The following ADAMTSL1 variants were observed in gnomAD, a reference collection of about 807,000 sequenced individuals.
ADAMTSL1 encodes ADAMTS-like protein 1.
ADAMTSL1 carries 126 observed loss-of-function variants against 201.8 expected under a neutral mutation model. The ratio of observed to expected loss-of-function variants is 0.62; its 90% CI spans 0.54 to 0.72. The LOEUF (loss-of-function observed/expected upper bound fraction) is 0.72, where lower values mean the gene tolerates loss of function less well. Among genes scored for constraint, ADAMTSL1 ranks in the 30% least tolerant of loss-of-function variants. The probability of loss-of-function intolerance (pLI) is 0.00; values close to 1 mark genes in which losing one functional copy is unlikely to be tolerated. For synonymous variants in ADAMTSL1, 1,121 were observed against 903.4 expected (o/e 1.24, Z -4.32); for missense variants, 2,679 against 2,277.8 (o/e 1.18, Z -3.59).
At chr9:17,940,040 G>A (rs567999168) in intron 1 of ADAMTSL1, among the ~76,000 whole-genome samples, 1 of 152,128 alleles carries the variant, frequency 6.6e-6, no homozygotes, top group East Asian at 1.9e-4. Context: ...GTATTGGGGG[G>A]AGGATGAAAC....
intron 1 of ADAMTSL1, among the ~76,000 whole-genome samples, chr9:18,120,782 T>C (rs1203214987): frequency 6.6e-6 from 1 of 152,206 alleles, no homozygotes; most frequent in African/African-American, 2.4e-5. Flanking sequence ...CAGTGTAAGA[T>C]AGACTATATT....
chr9:17,974,335 A>G (rs1818349842), intron 1 of ADAMTSL1, among the ~76,000 whole-genome samples: 1 of 152,060 alleles, frequency 6.6e-6, no homozygotes. Flanking sequence ...ATGATTGTAT[A>G]TCTAGAAAAC....
chr9:18,228,918 A>C (rs1830537102), intron 2 of ADAMTSL1, among the ~76,000 whole-genome samples: 1 of 150,518 alleles, frequency 6.6e-6, no homozygotes. Context: ...TTTAGATGAC[A>C]ATTTCTTTCT....
intron 2 of ADAMTSL1, among the ~76,000 whole-genome samples, chr9:18,349,890 CT>C (rs1481453318): frequency 1.3e-5 from 2 of 149,948 alleles, no homozygotes; most frequent in Non-Finnish European, 3.0e-5. Flanking sequence ...TTGAGAGATG[CT>C]TTCTATTAGG....
intron 15 of ADAMTSL1, chr9:18,722,971 A>T (rs1265497019): frequency 1.3e-6 from 1 of 767,206 alleles, no homozygotes; most frequent in African/African-American, 1.7e-5. Flanking sequence ...TGTGTGGGCA[A>T]AGGGCACCAA....
intron 23 of ADAMTSL1, among the ~76,000 whole-genome samples, chr9:18,865,455 G>A (rs946749540): frequency 9.2e-5 from 14 of 152,124 alleles, no homozygotes; most frequent in Non-Finnish European, 1.9e-4. Flanking sequence ...GGACATTTGG[G>A]TTGGTTCCAA....
intron 1 of ADAMTSL1, among the ~76,000 whole-genome samples, chr9:17,934,545 G>A (rs911111531): frequency 6.6e-6 from 1 of 152,020 alleles, no homozygotes; most frequent in African/African-American, 2.4e-5. Context: ...CCTCAAGTGG[G>A]TTTGCATGCT....
intron 3 of ADAMTSL1, among the ~76,000 whole-genome samples, chr9:18,556,656 A>T (rs1217400801): frequency 6.6e-6 from 1 of 152,000 alleles, no homozygotes; most frequent in African/African-American, 2.4e-5. Flanking sequence ...GTTTCTTAAA[A>T]TATGTCCATG....
chr9:18,004,737 G>A (rs1481134776), intron 1 of ADAMTSL1, among the ~76,000 whole-genome samples: 4 of 151,952 alleles, frequency 2.6e-5, no homozygotes, highest in Non-Finnish European at 5.9e-5. Context: ...CTAAAGATAA[G>A]AACTCAGTAC....
chr9:17,963,444 A>T, intron 1 of ADAMTSL1, among the ~76,000 whole-genome samples: 1 of 152,188 alleles, frequency 6.6e-6, no homozygotes, highest in East Asian at 1.9e-4. Context: ...TATTTAAAGA[A>T]AACAATTGTT....
chr9:18,507,039 C>G (rs185317618), intron 2 of ADAMTSL1, among the ~76,000 whole-genome samples: 1 of 152,194 alleles, frequency 6.6e-6, no homozygotes, highest in East Asian at 1.9e-4. Flanking sequence ...TCATTAAACT[C>G]TGGAACAATC....
intron 13 of ADAMTSL1, among the ~76,000 whole-genome samples, chr9:18,691,086 A>T (rs1831185623): frequency 6.6e-6 from 1 of 152,236 alleles, no homozygotes; most frequent in Non-Finnish European, 1.5e-5. Flanking sequence ...TGAAGAAATG[A>T]GCTAGCTGTC....
At chr9:18,803,937 C>T (rs149625713) in intron 20 of ADAMTSL1, among the ~76,000 whole-genome samples, 59 of 152,120 alleles carry the variant, frequency 3.9e-4, no homozygotes, top group Middle Eastern at 3.4e-3. Context: ...GGAAGGGGAA[C>T]AATTATTTTT....
At chr9:18,681,530 T>G in intron 11 of ADAMTSL1, 1 of 199,432 alleles carries the variant, frequency 5.0e-6, no homozygotes, top group Non-Finnish European at 1.0e-5. Context: ...TGGTGCTTGG[T>G]TTGAGACTTT....
At position 18,889,696 on chromosome 9, in the gene ADAMTSL1, G is replaced by A. The variant is rs1414975930; in HGVS notation, c.4591G>A (p.Val1531Ile). ...EVNPAHCAGK[V>I]RPAVQPIACN... ...CAACCCTGCCCACTGCGCAGGGAAG[G>A]TTCGCCCTGCGGTGCAGCCCATCGC... is the stretch of plus-strand genomic sequence containing the variant. The change falls in exon 25 of 29, where the codon GTT becomes ATT. Residue 1531 changes from valine (V) to isoleucine (I), a missense_variant. Physicochemically the swap from Val to Ile is conservative, Grantham distance 29. Transcript: ENST00000380548. The A allele has an allele frequency of 6.3e-7, 1 of 1,586,572 alleles. No homozygotes were observed. Among genetic ancestry groups the A allele is most frequent in the African/African-American group, 1.4e-5 (1 of 73,494 alleles).
At chr9:18,590,358 A>T (rs553051618) in intron 4 of ADAMTSL1, among the ~76,000 whole-genome samples, 153 of 152,028 alleles carry the variant, frequency 1.0e-3, no homozygotes, top group African/African-American at 3.6e-3. Context: ...GTCACCTGTA[A>T]TGTTTCCTTT....
Position 18,777,310 on chromosome 9 carries a change from G to A in ADAMTSL1, c.3081G>A (p.Arg1027=), listed in dbSNP as rs1821095098. The part of the protein sequence containing the change: ...PGSRYDDLVS[R]LLEQGGWPGE... ...GCCGCTACGACGACCTCGTCTCCCGGCTGCTGGAGCAGGGCGGCTGGCCCG... is the reference window on the plus strand; with the variant it reads ...GCCGCTACGACGACCTCGTCTCCCGACTGCTGGAGCAGGGCGGCTGGCCCG... Residue 1027 remains arginine, a synonymous_variant, in exon 19 of 29, where the codon CGG becomes CGA. Transcript: ENST00000380548. 3 of 1,603,290 alleles carry A rather than the reference G, an allele frequency of 1.9e-6. No homozygotes were observed. Among genetic ancestry groups the A allele is most frequent in the Non-Finnish European group, 2.6e-6 (3 of 1,175,136 alleles).
chr9:18,562,558 T>C (rs1180242461), intron 3 of ADAMTSL1, among the ~76,000 whole-genome samples: 1 of 152,230 alleles, frequency 6.6e-6, no homozygotes, highest in Non-Finnish European at 1.5e-5. Context: ...ATTTGAATGT[T>C]GGCCTGTCTT....
At chr9:17,970,536 G>C (rs1310554003) in intron 1 of ADAMTSL1, among the ~76,000 whole-genome samples, 1 of 152,008 alleles carries the variant, frequency 6.6e-6, no homozygotes, top group Non-Finnish European at 1.5e-5. Context: ...ATGCTTCAGT[G>C]ACTCTGAGCT....
Sources: allele counts gnomAD v4.1 joint callset (sites outside exome capture counted in the v4.1 genomes callset), GRCh38; gene constraint gnomAD v4.1.1; transcripts MANE v1.5; gene names NCBI Gene and HGNC (gene_info 2026-07-23, HGNC 2026-07-21).